Variants in MCEE observed in about 807,000 individuals in gnomAD.
MCEE encodes the protein methylmalonyl-CoA epimerase, mitochondrial.
Under a neutral mutation model 12.9 loss-of-function variants are expected in MCEE, and 6 were observed. The observed-to-expected ratio is 0.47, with a 90% CI of 0.26 to 0.92. The LOEUF (loss-of-function observed/expected upper bound fraction) is 0.92. Ranked by LOEUF, MCEE falls within the 40% of genes least tolerant of loss-of-function variation. The probability of loss-of-function intolerance (pLI) is 0.16; values close to 1 mark genes in which losing one functional copy is unlikely to be tolerated. For missense variants in MCEE, 214 were observed against 212.1 expected (o/e 1.01, Z -0.05); for synonymous variants, 78 against 77.9 (o/e 1.00, Z -0.01).
In MCEE at chr2:71,124,588, C is replaced by T. The variant is rs141358754; in HGVS notation, c.41-45G>A. The T allele has an allele frequency of 5.8e-4, 825 of 1,428,370 alleles. 7 individuals are homozygous for T. In the African/African-American group the frequency reaches 9.6e-3, roughly 17 times the overall value. The allele number at this position is 1,428,370 out of a possible 1,614,324, so 88.5% of individuals were successfully genotyped here. On this transcript the variant is annotated intron_variant, in intron 1 of 2. Transcript: ENST00000244217. ...TTGATATCCTTCTTTTGAGAATTAA[C>T]GCACTTCTAAATTGAATTTTAAAAA...
intron 2 of MCEE, among the ~76,000 whole-genome samples, chr2:71,119,449 T>C (rs1015660603): frequency 4.6e-5 from 7 of 150,654 alleles, no homozygotes; most frequent in Admixed American, 4.6e-4. Flanking sequence ...AACATTGTTA[T>C]GCGGTGTGGG....
rs1451231002 is a variant in MCEE, at chr2:71,130,058, C to G, written c.40+122G>C. On this transcript the variant is annotated intron_variant, in intron 1 of 2. Transcript: ENST00000244217. Reference sequence around the variant, plus strand: ...CTAAGTGACAGCAGCTGCTGTGGAACGCGCCCCCGGGGGAGGACATTAGAT... The same window carrying G: ...CTAAGTGACAGCAGCTGCTGTGGAAGGCGCCCCCGGGGGAGGACATTAGAT... 15 of 998,206 alleles carry G rather than the reference C, an allele frequency of 1.5e-5. No homozygotes were observed. In the East Asian group the frequency reaches 3.6e-4, roughly 24 times the overall value. The allele number at this position is 998,206 out of a possible 1,614,324, so 61.8% of individuals were successfully genotyped here.
chr2:71,127,352 T>A (rs1163701666), intron 1 of MCEE, among the ~76,000 whole-genome samples: 1 of 152,258 alleles, frequency 6.6e-6, no homozygotes, highest in African/African-American at 2.4e-5. Context: ...ACACTGTCCC[T>A]GAATACATAA....
chr2:71,126,448 G>C (rs995712815), intron 1 of MCEE, among the ~76,000 whole-genome samples: 1 of 151,236 alleles, frequency 6.6e-6, no homozygotes, highest in Admixed American at 6.6e-5. Context: ...GGCTGGTCTC[G>C]AACTCCTGAC....
intron 1 of MCEE, among the ~76,000 whole-genome samples, chr2:71,126,865 T>A (rs576062459): frequency 6.6e-6 from 1 of 152,344 alleles, no homozygotes; most frequent in Non-Finnish European, 1.5e-5. Flanking sequence ...ATGAAAATGA[T>A]TACCAACACT....
Position 71,130,200 on chromosome 2 carries a change from G to A in MCEE, c.20C>T (p.Ala7Val), listed in dbSNP as rs775020576. 7.5e-6 allele frequency: 12 copies of A among 1,608,100 alleles called. No homozygotes were observed. The African/African-American group carries it at 1.2e-4, about 16-fold the overall frequency. The change falls in exon 1 of 3, where the codon GCT becomes GTT. Residue 7 changes from alanine (A) to valine (V), a missense_variant. By Grantham distance (64) the Ala-to-Val change is moderately conservative (BLOSUM62 0). Transcript: ENST00000244217. MARVLK[A>V]AAANAVGLFS... ...TTCACCTACGGCATTCGCGGCTGCA[G>A]CCTTCAGCACCCGCGCCATTTTGGA...
At chr2:71,112,366 A>G (rs921342695) in intron 2 of MCEE, among the ~76,000 whole-genome samples, 12 of 144,240 alleles carry the variant, frequency 8.3e-5, no homozygotes, top group Non-Finnish European at 1.8e-4. Context: ...CGATCTCTTG[A>G]CCTTGTGATG....
At chr2:71,124,616 A>C in intron 1 of MCEE, 73 bp from the exon 2 acceptor site, 5 of 1,163,882 alleles carry the variant, frequency 4.3e-6, no homozygotes, top group Non-Finnish European at 6.4e-6. Flanking sequence ...TTTAAAAACT[A>C]AACAAATAAT....
intron 1 of MCEE, among the ~76,000 whole-genome samples, chr2:71,125,211 A>ATATATATATATATTTTTTTTTT: frequency 3.7e-4 from 18 of 48,590 alleles, no homozygotes; most frequent in Non-Finnish European, 6.6e-4. Flanking sequence ...ATATATATAT[A>ATATATATATATATTTTTTTTTT]TTTTTTTTTT....
At chr2:71,129,896 G>A in intron 1 of MCEE, 1 of 559,908 alleles carries the variant, frequency 1.8e-6, no homozygotes, top group South Asian at 2.0e-5. Context: ...GACCTGCCGG[G>A]CAAGTTCCCT....
intron 1 of MCEE, among the ~76,000 whole-genome samples, chr2:71,127,926 G>A (rs778620358): frequency 3.3e-5 from 5 of 152,208 alleles, no homozygotes; most frequent in Non-Finnish European, 5.9e-5. Flanking sequence ...GCGCCTGGCC[G>A]AACATAAGTC....
At chr2:71,118,970 G>T (rs1209101220) in intron 2 of MCEE, among the ~76,000 whole-genome samples, 1 of 149,290 alleles carries the variant, frequency 6.7e-6, no homozygotes, top group African/African-American at 2.6e-5. Context: ...TCTCACTCAT[G>T]GATGCCCTCC....
At chr2:71,110,893 C>G (rs1257660307) in intron 2 of MCEE, 1 of 152,026 alleles carries the variant, frequency 6.6e-6, no homozygotes, top group East Asian at 1.9e-4. Context: ...ATATGAATGG[C>G]CACATTCCTA....
At chr2:71,110,640 A>G (rs1184704542) in intron 2 of MCEE, 1 of 154,522 alleles carries the variant, frequency 6.5e-6, no homozygotes, top group East Asian at 1.9e-4. Context: ...TACCTTTGAC[A>G]TTATCAAGAC....
intron 1 of MCEE, among the ~76,000 whole-genome samples, chr2:71,125,209 ATATTT>A (rs1358909277): frequency 1.7e-4 from 8 of 48,166 alleles, no homozygotes; most frequent in African/African-American, 4.6e-4. Context: ...ATATATATAT[ATATTT>A]TTTTTTTTTT....
chr2:71,125,334 G>A (rs931824305), intron 1 of MCEE, among the ~76,000 whole-genome samples: 2 of 150,040 alleles, frequency 1.3e-5, no homozygotes, highest in African/African-American at 2.4e-5. Flanking sequence ...TCAGCCTCCC[G>A]AGTAGCTGGA....
chr2:71,111,617 G>A (rs1371583510), intron 2 of MCEE, among the ~76,000 whole-genome samples: 1 of 152,068 alleles, frequency 6.6e-6, no homozygotes, highest in Non-Finnish European at 1.5e-5. Flanking sequence ...TGCAATACTC[G>A]AAGCTCCGAT....
Position 71,122,358 on chromosome 2 carries a change from C to T in MCEE, c.378+1848G>A, listed in dbSNP as rs140534007. Among the ~76,000 whole-genome samples, 1,133 of 152,312 alleles carry T rather than the reference C, an allele frequency of 7.4e-3. 12 individuals are homozygous for T. The highest frequency in any genetic ancestry group is 0.026 in the African/African-American group (1,089 of 41,562). ...CCATTTGGCCCAGGCTGGTCTCAAA[C>T]TCCTGGGCTCGAGCAATCTGCCCAC... On this transcript the variant is annotated intron_variant, in intron 2 of 2. Transcript: ENST00000244217.
chr2:71,127,591 T>G (rs1673263668), intron 1 of MCEE, among the ~76,000 whole-genome samples: 1 of 152,248 alleles, frequency 6.6e-6, no homozygotes, highest in Admixed American at 6.5e-5. Context: ...TGCAAAGTTG[T>G]GCGACCTTCA....
Sources: allele counts gnomAD v4.1 joint callset (sites outside exome capture counted in the v4.1 genomes callset), GRCh38; gene constraint gnomAD v4.1.1; transcripts MANE v1.5; gene names NCBI Gene and HGNC (gene_info 2026-07-23, HGNC 2026-07-21).